Variants in RSRC1 observed in about 807,000 individuals in gnomAD.
RSRC1 encodes arginine and serine rich coiled-coil 1.
RSRC1 carries 39 observed loss-of-function variants against 49.1 expected under a neutral mutation model. The observed-to-expected ratio is 0.79, with a 90% CI of 0.61 to 1.04. RSRC1 has a LOEUF of 1.04. Among genes scored for constraint, RSRC1 ranks in the 50% least tolerant of loss-of-function variants. The pLI is 0.00. For synonymous variants in RSRC1, 143 were observed against 130.8 expected (o/e 1.09, Z -0.63); for missense variants, 388 against 402.4 (o/e 0.96, Z 0.31).
At chr3:158,462,765 T>C (rs1737682915) in intron 7 of RSRC1, among the ~76,000 whole-genome samples, 1 of 151,954 alleles carries the variant, frequency 6.6e-6, no homozygotes, top group South Asian at 2.1e-4. Flanking sequence ...TATAGATACT[T>C]GAACATTATA....
chr3:158,380,605 A>G (rs1198938515), intron 6 of RSRC1, among the ~76,000 whole-genome samples: 2 of 152,036 alleles, frequency 1.3e-5, no homozygotes, highest in African/African-American at 2.4e-5. Context: ...GGTATTTTAT[A>G]TTTTTATTTT....
At chr3:158,353,712 T>C (rs1377013355) in intron 5 of RSRC1, among the ~76,000 whole-genome samples, 1 of 152,236 alleles carries the variant, frequency 6.6e-6, no homozygotes, top group African/African-American at 2.4e-5. Flanking sequence ...TCAAGCTGGG[T>C]TTCTTTTTAC....
intron 6 of RSRC1, among the ~76,000 whole-genome samples, chr3:158,437,797 A>G (rs1324754762): frequency 1.3e-5 from 2 of 152,116 alleles, no homozygotes; most frequent in East Asian, 1.9e-4. Flanking sequence ...TACTCAACAT[A>G]GTGTTGGAAG....
chr3:158,367,508 C>T (rs969943400), intron 6 of RSRC1, among the ~76,000 whole-genome samples: 3 of 152,090 alleles, frequency 2.0e-5, no homozygotes, highest in Non-Finnish European at 4.4e-5. Flanking sequence ...GGTGGATACG[C>T]TTTTTGATGT....
chr3:158,509,999 T>C (rs1283313315), intron 7 of RSRC1, among the ~76,000 whole-genome samples: 1 of 152,160 alleles, frequency 6.6e-6, no homozygotes, highest in Non-Finnish European at 1.5e-5. Flanking sequence ...TTCAACCACA[T>C]AGTGCCACAT....
intron 3 of RSRC1, among the ~76,000 whole-genome samples, chr3:158,182,804 T>C (rs1352115803): frequency 6.6e-6 from 1 of 152,174 alleles, no homozygotes; most frequent in Non-Finnish European, 1.5e-5. Flanking sequence ...TTATTTCTCA[T>C]GTGTAGCAGT....
chr3:158,258,785 T>C (rs1095628), intron 4 of RSRC1, among the ~76,000 whole-genome samples: 72,242 of 151,758 alleles, frequency 0.48, 17,740 homozygotes, highest in East Asian at 0.64. Context: ...AAATAGCCTG[T>C]CTCCAAGCTC....
intron 6 of RSRC1, among the ~76,000 whole-genome samples, chr3:158,437,082 C>T (rs543040303): frequency 4.0e-5 from 6 of 151,514 alleles, no homozygotes; most frequent in South Asian, 2.1e-4. Flanking sequence ...ATTGAAGAAA[C>T]GTCTTCCAAT....
chr3:158,393,584 GA>G (rs1733445466), intron 6 of RSRC1, among the ~76,000 whole-genome samples: 1 of 151,560 alleles, frequency 6.6e-6, no homozygotes, highest in African/African-American at 2.4e-5. Context: ...TAAATTCCTG[GA>G]AACATAAAAC....
intron 6 of RSRC1, among the ~76,000 whole-genome samples, chr3:158,409,192 TA>T (rs1235560614): frequency 6.6e-6 from 1 of 151,908 alleles, no homozygotes; most frequent in Non-Finnish European, 1.5e-5. Flanking sequence ...ATACTAGGCT[TA>T]ATAGGTGGAT....
chr3:158,487,858 G>A (rs1047929819), intron 7 of RSRC1, among the ~76,000 whole-genome samples: 1 of 147,690 alleles, frequency 6.8e-6, no homozygotes, highest in Non-Finnish European at 1.5e-5. Flanking sequence ...GCTGAGGTGG[G>A]AGAATTGCTT....
chr3:158,354,987 TAA>T (rs5853823), intron 6 of RSRC1, 79 bp downstream of exon 6: 215 of 697,352 alleles, frequency 3.1e-4, no homozygotes, highest in East Asian at 5.4e-4. Flanking sequence ...TAGAAATGAG[TAA>T]AAAAAAAAAC....
intron 5 of RSRC1, among the ~76,000 whole-genome samples, chr3:158,351,867 T>G (rs1309625659): frequency 1.4e-5 from 2 of 146,712 alleles, no homozygotes; most frequent in Non-Finnish European, 3.0e-5. Context: ...TATATTTATA[T>G]AAATATTATG....
intron 6 of RSRC1, among the ~76,000 whole-genome samples, chr3:158,423,189 C>T (rs1435108040): frequency 3.9e-5 from 6 of 152,038 alleles, no homozygotes; most frequent in African/African-American, 7.2e-5. Flanking sequence ...AGGTTTTCTT[C>T]GAGGGTTTTT....
chr3:158,234,381 G>A (rs879338032), intron 4 of RSRC1, among the ~76,000 whole-genome samples: 1 of 152,110 alleles, frequency 6.6e-6, no homozygotes, highest in South Asian at 2.1e-4. Flanking sequence ...TGTAAATTTT[G>A]TAGTGATATT....
intron 3 of RSRC1, among the ~76,000 whole-genome samples, chr3:158,128,477 C>T (rs895255487): frequency 6.6e-6 from 1 of 152,078 alleles, no homozygotes; most frequent in Non-Finnish European, 1.5e-5. Context: ...ATCTTGCCAT[C>T]ATCATTCTCA....
intron 5 of RSRC1, among the ~76,000 whole-genome samples, chr3:158,328,673 C>G (rs1225374746): frequency 1.3e-5 from 2 of 152,116 alleles, no homozygotes; most frequent in Non-Finnish European, 2.9e-5. Context: ...ACATTTTTTC[C>G]TTCATTTCAA....
intron 4 of RSRC1, among the ~76,000 whole-genome samples, chr3:158,257,978 T>C (rs12497273): frequency 0.14 from 20,930 of 152,140 alleles, 1,579 homozygotes; most frequent in Middle Eastern, 0.21. Context: ...GTCCTGTCTC[T>C]ATTGATAGCT....
chr3:158,456,823 G>A (rs1480545856), intron 6 of RSRC1, among the ~76,000 whole-genome samples: 1 of 152,040 alleles, frequency 6.6e-6, no homozygotes, highest in East Asian at 1.9e-4. Context: ...GACATTGAAA[G>A]GTTACATTGA....
Sources: gnomAD v4.1 joint callset for allele counts (sites outside exome capture counted in the v4.1 genomes callset) on GRCh38, gnomAD v4.1.1 for gene constraint, MANE v1.5 for transcripts, NCBI Gene and HGNC (gene_info 2026-07-23, HGNC 2026-07-21) for gene names.